Variants in FNIP1 observed in about 807,000 individuals in gnomAD.
The protein encoded by FNIP1 is folliculin-interacting protein 1.
In FNIP1, 40 loss-of-function variants were observed where a neutral mutation model predicts 124.5. The ratio of observed to expected loss-of-function variants is 0.32; its 90% CI spans 0.25 to 0.42. The LOEUF is 0.42. Among genes scored for constraint, FNIP1 ranks in the 10% least tolerant of loss-of-function variants. The pLI is 1.00. For synonymous variants in FNIP1, 472 were observed against 470.6 expected (o/e 1.00, Z -0.04); for missense variants, 1,176 against 1,403.7 (o/e 0.84, Z 2.59).
chr5:131,744,285 A>G, intron 2 of FNIP1, among the ~76,000 whole-genome samples: 1 of 152,196 alleles, frequency 6.6e-6, no homozygotes, highest in African/African-American at 2.4e-5. Flanking sequence ...AGCTGTTGTC[A>G]GCAGTCTAAA....
intron 7 of FNIP1, 46 bp downstream of exon 7, chr5:131,710,532 C>T: frequency 6.4e-7 from 1 of 1,563,096 alleles, no homozygotes; most frequent in Non-Finnish European, 8.7e-7. Flanking sequence ...CAGATTCTAG[C>T]CGTTGGGGCA....
intron 1 of FNIP1, among the ~76,000 whole-genome samples, chr5:131,754,229 G>A (rs564836269): frequency 6.6e-6 from 1 of 152,270 alleles, no homozygotes; most frequent in South Asian, 2.1e-4. Flanking sequence ...CATTCAGCAT[G>A]AAAAGAAAAA....
intron 1 of FNIP1, chr5:131,796,326 C>T (rs1772589012): frequency 6.4e-6 from 1 of 155,864 alleles, no homozygotes; most frequent in Admixed American, 6.5e-5. Context: ...TGCCTACTCG[C>T]TCCTCCAGCC....
intron 1 of FNIP1, 134 bp downstream of exon 1, chr5:131,796,696 A>G (rs1457068127): frequency 2.6e-6 from 2 of 784,246 alleles, no homozygotes; most frequent in Admixed American, 5.8e-5. Flanking sequence ...AGCCGGCTCC[A>G]CCCCACCGAG....
At chr5:131,789,097 G>A (rs2149589530) in intron 1 of FNIP1, among the ~76,000 whole-genome samples, 1 of 152,214 alleles carries the variant, frequency 6.6e-6, no homozygotes. Flanking sequence ...TAAAAAGAAT[G>A]AAATTCTATT....
intron 11 of FNIP1, among the ~76,000 whole-genome samples, chr5:131,685,172 C>T (rs1036002755): frequency 6.6e-6 from 1 of 152,024 alleles, no homozygotes; most frequent in East Asian, 1.9e-4. Flanking sequence ...GCAAGAGGAT[C>T]CCTTGAGGAC....
chr5:131,725,261 G>T (rs1769821155), intron 3 of FNIP1, among the ~76,000 whole-genome samples: 1 of 152,090 alleles, frequency 6.6e-6, no homozygotes, highest in Non-Finnish European at 1.5e-5. Context: ...GATTGATGGG[G>T]ATAGCATTGA....
intron 2 of FNIP1, among the ~76,000 whole-genome samples, chr5:131,732,795 T>C (rs1249870028): frequency 6.6e-6 from 1 of 152,220 alleles, no homozygotes; most frequent in African/African-American, 2.4e-5. Context: ...TGGCTTAGGA[T>C]TGACTTGGCA....
chr5:131,759,503 C>G (rs771763382), intron 1 of FNIP1, among the ~76,000 whole-genome samples: 1 of 152,122 alleles, frequency 6.6e-6, no homozygotes, highest in Non-Finnish European at 1.5e-5. Flanking sequence ...AAATGCTCAT[C>G]ATCACTAATC....
intron 2 of FNIP1, among the ~76,000 whole-genome samples, chr5:131,732,472 T>G (rs190737857): frequency 2.2e-4 from 33 of 152,230 alleles, no homozygotes; most frequent in Non-Finnish European, 3.2e-4. Context: ...GGTCTAACAT[T>G]TAAGTCTTTA....
chr5:131,711,330 A>C (rs995327168), intron 6 of FNIP1, among the ~76,000 whole-genome samples: 16 of 152,200 alleles, frequency 1.1e-4, no homozygotes, highest in Non-Finnish European at 2.2e-4. Context: ...TCATCAAGAA[A>C]AGGTAACTGC....
intron 10 of FNIP1, among the ~76,000 whole-genome samples, chr5:131,703,857 T>C (rs1768984982): frequency 6.6e-6 from 1 of 152,186 alleles, no homozygotes; most frequent in Non-Finnish European, 1.5e-5. Flanking sequence ...CAAATATTTA[T>C]TTACAGAACA....
chr5:131,671,276 T>G (rs753746087), intron 14 of FNIP1, among the ~76,000 whole-genome samples: 2 of 152,186 alleles, frequency 1.3e-5, no homozygotes, highest in Non-Finnish European at 2.9e-5. Flanking sequence ...GTAAGAAATC[T>G]TATACTTATC....
Position 131,644,513 on chromosome 5 carries a change from G to A in FNIP1, c.*172C>T. 2.3e-6 allele frequency: 1 copy of A among 432,332 alleles called. No individual in the cohort carries two copies. The highest frequency in any genetic ancestry group is 4.0e-6 in the Non-Finnish European group (1 of 247,084). The allele number at this position is 432,332 out of a possible 1,614,324, so 26.8% of individuals were successfully genotyped here. On this transcript the variant is annotated 3_prime_UTR_variant, in exon 18 of 18. Coordinates refer to ENST00000510461, the MANE Select transcript of FNIP1 (RefSeq NM_133372.3). ...CACCACCCAAAAGTCCAGTCAAAAA[G>A]AAAAAGCCATCTGACATACACAGAA...
At chr5:131,755,510 C>T (rs1312379251) in intron 1 of FNIP1, among the ~76,000 whole-genome samples, 2 of 151,378 alleles carry the variant, frequency 1.3e-5, no homozygotes, top group African/African-American at 4.9e-5. Flanking sequence ...ACAGGAGTTA[C>T]TGACACACAA....
chr5:131,686,848 C>A (rs185712809), intron 11 of FNIP1, among the ~76,000 whole-genome samples: 4 of 151,720 alleles, frequency 2.6e-5, no homozygotes, highest in African/African-American at 7.3e-5. Flanking sequence ...TACAGGCATG[C>A]GCCACCAAGC....
At chr5:131,673,044 TTTTTTTG>T in intron 13 of FNIP1, 120 bp from the exon 14 acceptor site, 1 of 672,778 alleles carries the variant, frequency 1.5e-6, no homozygotes, top group Non-Finnish European at 2.3e-6. Context: ...GTTTTACTCG[TTTTTTTG>T]TTTTTTTTTT....
chr5:131,777,944 T>G (rs1026335133), intron 1 of FNIP1, among the ~76,000 whole-genome samples: 4 of 152,208 alleles, frequency 2.6e-5, no homozygotes, highest in Non-Finnish European at 5.9e-5. Context: ...CACCAATGGA[T>G]GCTAAAACCA....
intron 6 of FNIP1, 89 bp downstream of exon 6, chr5:131,716,476 C>T (rs1296168195): frequency 2.6e-6 from 2 of 776,416 alleles, no homozygotes; most frequent in Non-Finnish European, 2.0e-6. Context: ...GTTATCATGA[C>T]AGATCTGCAT....
Sources: allele counts gnomAD v4.1 joint callset (sites outside exome capture counted in the v4.1 genomes callset), GRCh38; gene constraint gnomAD v4.1.1; transcripts MANE v1.5; gene names NCBI Gene and HGNC (gene_info 2026-07-23, HGNC 2026-07-21).